GFRA1: variants seen among roughly 807,000 people sequenced by gnomAD.
GFRA1 encodes the protein GDNF family receptor alpha 1.
GFRA1 carries 16 observed loss-of-function variants against 51.6 expected under a neutral mutation model. That is an observed-to-expected ratio of 0.31 (90% CI 0.21 to 0.47). GFRA1 has a LOEUF of 0.47. Among genes scored for constraint, GFRA1 ranks in the 20% least tolerant of loss-of-function variants. GFRA1 has a pLI of 1.00. For missense variants in GFRA1, 530 were observed against 594.3 expected (o/e 0.89, Z 1.13); for synonymous variants, 270 against 241.3 (o/e 1.12, Z -1.10).
At chr10:116,137,929 G>A (rs1305974396) in intron 5 of GFRA1, among the ~76,000 whole-genome samples, 8 of 151,978 alleles carry the variant, frequency 5.3e-5, no homozygotes, top group East Asian at 1.9e-4. Flanking sequence ...AGCCTCCCCA[G>A]TAGCTGGGAT....
chr10:116,101,568 G>A (rs1273822118), intron 6 of GFRA1, among the ~76,000 whole-genome samples: 7 of 152,078 alleles, frequency 4.6e-5, no homozygotes, highest in African/African-American at 1.7e-4. Flanking sequence ...TAATATCTAG[G>A]AGAATTGTCT....
At chr10:116,215,076 C>G (rs1280264513) in intron 4 of GFRA1, among the ~76,000 whole-genome samples, 1 of 152,114 alleles carries the variant, frequency 6.6e-6, no homozygotes, top group Non-Finnish European at 1.5e-5. Context: ...TCTTGGAATA[C>G]TCAAAGTTTA....
intron 6 of GFRA1, among the ~76,000 whole-genome samples, chr10:116,113,995 A>G (rs1422764585): frequency 1.3e-5 from 2 of 152,106 alleles, no homozygotes; most frequent in Non-Finnish European, 2.9e-5. Flanking sequence ...CCTGAGTCCT[A>G]TATGACGAGC....
intron 9 of GFRA1, among the ~76,000 whole-genome samples, chr10:116,079,951 T>C (rs2133829788): frequency 6.6e-6 from 1 of 152,154 alleles, no homozygotes; most frequent in South Asian, 2.1e-4. Flanking sequence ...CCATAACAAG[T>C]TCCACTCCAC....
chr10:116,159,038 C>T (rs549321089), intron 5 of GFRA1, among the ~76,000 whole-genome samples: 1 of 152,218 alleles, frequency 6.6e-6, no homozygotes. Context: ...AGTCATCAGG[C>T]GTGATACAGC....
intron 6 of GFRA1, among the ~76,000 whole-genome samples, chr10:116,115,809 G>A (rs192962807): frequency 6.6e-6 from 1 of 152,262 alleles, no homozygotes; most frequent in African/African-American, 2.4e-5. Context: ...GGGCTTGAGG[G>A]GCTTGCAGCT....
At chr10:116,120,450 T>C (rs1957596791) in intron 6 of GFRA1, among the ~76,000 whole-genome samples, 1 of 151,912 alleles carries the variant, frequency 6.6e-6, no homozygotes. Context: ...CCAGGCATGG[T>C]AGCATGCACC....
At chr10:116,110,755 G>T (rs942617479) in intron 6 of GFRA1, among the ~76,000 whole-genome samples, 2 of 152,194 alleles carry the variant, frequency 1.3e-5, no homozygotes, top group Non-Finnish European at 2.9e-5. Context: ...GTAAGATGCT[G>T]TGTAAAAGGT....
chr10:116,080,232 C>T (rs911142448), intron 9 of GFRA1, among the ~76,000 whole-genome samples: 2 of 152,212 alleles, frequency 1.3e-5, no homozygotes, highest in African/African-American at 4.8e-5. Context: ...TCCGCAAACA[C>T]CCCAGGAAGC....
chr10:116,176,141 C>T (rs920959608), intron 5 of GFRA1, among the ~76,000 whole-genome samples: 8 of 152,160 alleles, frequency 5.3e-5, no homozygotes, highest in African/African-American at 1.9e-4. Context: ...ATAAATGTCA[C>T]ATGTTTGTGA....
chr10:116,200,466 C>T (rs1442238016), intron 5 of GFRA1, among the ~76,000 whole-genome samples: 1 of 152,176 alleles, frequency 6.6e-6, no homozygotes, highest in Non-Finnish European at 1.5e-5. Context: ...GGGATAGAGA[C>T]GGAGATTAGT....
intron 5 of GFRA1, among the ~76,000 whole-genome samples, chr10:116,144,436 G>A (rs1327418004): frequency 1.3e-5 from 2 of 151,938 alleles, no homozygotes; most frequent in African/African-American, 4.8e-5. Context: ...TATAAATGCT[G>A]TGCTAGTTAC....
chr10:116,238,007 C>A (rs1243629420), intron 4 of GFRA1, among the ~76,000 whole-genome samples: 1 of 152,184 alleles, frequency 6.6e-6, no homozygotes, highest in African/African-American at 2.4e-5. Context: ...CACAGCTCTT[C>A]CTCGACCAAG....
rs1383305604 is a variant in GFRA1 at position 116,065,639 on chromosome 10, A to C, written c.1198-13T>G. 1.9e-6 allele frequency: 3 copies of C among 1,610,878 alleles called. No homozygotes were observed. Among genetic ancestry groups the C allele is most frequent in the Non-Finnish European group, 1.7e-6 (2 of 1,177,506 alleles). On this transcript the variant is annotated splice_polypyrimidine_tract_variant and intron_variant, in intron 9 of 10. Transcript: ENST00000355422. ...TCAGCTTCTGTGCCTGGAGAGGGAC[A>C]AGAAAAAAAATGCTCAAACATAATA...
chr10:116,146,265 A>T (rs10885865), intron 5 of GFRA1, among the ~76,000 whole-genome samples: 2 of 151,916 alleles, frequency 1.3e-5, no homozygotes, highest in African/African-American at 2.4e-5. Flanking sequence ...ACTCTCTTTA[A>T]GAAAAAGAAT....
intron 5 of GFRA1, among the ~76,000 whole-genome samples, chr10:116,199,799 C>T (rs1222971939): frequency 1.3e-5 from 2 of 152,146 alleles, no homozygotes; most frequent in Admixed American, 6.5e-5. Context: ...CAAATGTATA[C>T]ACCTGTATAG....
At chr10:116,122,933 T>C (rs1957706735) in intron 6 of GFRA1, among the ~76,000 whole-genome samples, 1 of 152,178 alleles carries the variant, frequency 6.6e-6, no homozygotes, top group Non-Finnish European at 1.5e-5. Flanking sequence ...GGAGGAGCTG[T>C]CTGGCATTAA....
chr10:116,140,220 A>G (rs957188067), intron 5 of GFRA1, among the ~76,000 whole-genome samples: 2 of 152,188 alleles, frequency 1.3e-5, no homozygotes, highest in Non-Finnish European at 2.9e-5. Flanking sequence ...GACTATACTG[A>G]GCCTTCCGGG....
chr10:116,219,033 A>C (rs1965753104), intron 4 of GFRA1, among the ~76,000 whole-genome samples: 1 of 152,114 alleles, frequency 6.6e-6, no homozygotes, highest in African/African-American at 2.4e-5. Context: ...GCCTCAAAGA[A>C]TCTTCCTGCT....
Sources: gnomAD v4.1 joint callset for allele counts (sites outside exome capture counted in the v4.1 genomes callset) on GRCh38, gnomAD v4.1.1 for gene constraint, MANE v1.5 for transcripts, NCBI Gene and HGNC (gene_info 2026-07-23, HGNC 2026-07-21) for gene names.